The following KDM4B variants were observed in gnomAD, a reference collection of about 807,000 sequenced individuals.
KDM4B encodes lysine-specific demethylase 4B.
Under a neutral mutation model 125.2 loss-of-function variants are expected in KDM4B, and 32 were observed. That is an observed-to-expected ratio of 0.26 (90% CI 0.19 to 0.34). The LOEUF (loss-of-function observed/expected upper bound fraction) is 0.34, where lower values mean the gene tolerates loss of function less well. KDM4B is among the 10% of genes least tolerant of loss of function. KDM4B has a pLI of 1.00. For missense variants in KDM4B, 1,190 were observed against 1,577.7 expected (o/e 0.75, Z 4.16); for synonymous variants, 721 against 677.9 (o/e 1.06, Z -0.99).
intron 6 of KDM4B, among the ~76,000 whole-genome samples, chr19:5,048,940 G>T (rs964125955): frequency 1.3e-5 from 2 of 152,230 alleles, no homozygotes; most frequent in African/African-American, 4.8e-5. Flanking sequence ...GGACCAGCCA[G>T]TGAGTCAGAC....
chr19:5,077,329 G>A, intron 7 of KDM4B, 38 bp from the exon 8 acceptor site: 1 of 1,581,132 alleles, frequency 6.3e-7, no homozygotes, highest in Non-Finnish European at 8.7e-7. Flanking sequence ...CCGGCCGGCT[G>A]TGGCCCAGGA....
intron 18 of KDM4B, among the ~76,000 whole-genome samples, chr19:5,143,080 C>T (rs974127281): frequency 3.9e-5 from 6 of 152,112 alleles, no homozygotes; most frequent in Non-Finnish European, 2.9e-5. Flanking sequence ...AATCCCAGCA[C>T]TTTAGGAGGT....
Position 5,007,648 on chromosome 19 carries a change from C to T in KDM4B, c.-108-8609C>T, listed in dbSNP as rs571837768. Among the ~76,000 whole-genome samples the T allele has an allele frequency of 1.5e-3, 221 of 150,182 alleles. 2 individuals are homozygous for T. The highest frequency in any genetic ancestry group is 4.9e-3 in the African/African-American group (199 of 40,876). On this transcript the variant is annotated intron_variant, in intron 1 of 22. Coordinates refer to ENST00000159111, the MANE Select transcript of KDM4B (RefSeq NM_015015.3). ...GCAGCCTCCAACTCCCAGGCTCAAG[C>T]GATCCTCCCACCTCAGCCTCCCGAG...
chr19:5,031,402 G>A (rs1418909855), intron 2 of KDM4B, among the ~76,000 whole-genome samples: 2 of 152,248 alleles, frequency 1.3e-5, no homozygotes, highest in Admixed American at 6.5e-5. Context: ...CACGTGCCGT[G>A]CACGGTGCAC....
intron 2 of KDM4B, among the ~76,000 whole-genome samples, chr19:5,029,407 T>G (rs574104756): frequency 1.3e-4 from 20 of 152,350 alleles, no homozygotes; most frequent in African/African-American, 4.8e-4. Context: ...GTCACAGGAC[T>G]GCATTTCAGT....
intron 2 of KDM4B, among the ~76,000 whole-genome samples, chr19:5,024,837 A>C (rs146605330): frequency 0.012 from 1,895 of 152,238 alleles, 36 homozygotes; most frequent in African/African-American, 0.043. Context: ...AATCCCAGCT[A>C]CTCAGAAGGC....
chr19:5,034,587 G>A (rs2036558760), intron 3 of KDM4B, among the ~76,000 whole-genome samples: 1 of 152,226 alleles, frequency 6.6e-6, no homozygotes, highest in Admixed American at 6.5e-5. Flanking sequence ...GAAGCAGGAA[G>A]GGGCTGATTC....
chr19:4,980,465 C>T (rs2034599475), intron 1 of KDM4B, among the ~76,000 whole-genome samples: 1 of 147,514 alleles, frequency 6.8e-6, no homozygotes, highest in Non-Finnish European at 1.5e-5. Flanking sequence ...ACTCTGCCAC[C>T]CAGGCTGGAG....
At chr19:5,009,454 G>A (rs1224952058) in intron 1 of KDM4B, among the ~76,000 whole-genome samples, 1 of 152,150 alleles carries the variant, frequency 6.6e-6, no homozygotes, top group Non-Finnish European at 1.5e-5. Flanking sequence ...GTGTCCACTT[G>A]GTTTCTGATC....
chr19:5,014,611 A>G (rs196352), intron 1 of KDM4B, among the ~76,000 whole-genome samples: 49 of 152,140 alleles, frequency 3.2e-4, no homozygotes, highest in African/African-American at 1.0e-3. Context: ...GAGTCTCACT[A>G]TGTTGGCCAG....
rs142426028 is a variant in KDM4B at position 5,150,460 on chromosome 19, C to T, written c.3114+10C>T. ...GGTCCGCTCTCGGCTGGTGAGTGCGCGAGGCTGGCCTGGTGGCTCCGGGTG... is the reference window on the plus strand; with the variant it reads ...GGTCCGCTCTCGGCTGGTGAGTGCGTGAGGCTGGCCTGGTGGCTCCGGGTG... On this transcript the variant is annotated intron_variant, in intron 22 of 22. Coordinates refer to ENST00000159111, the MANE Select transcript of KDM4B (RefSeq NM_015015.3). 668 of 1,543,530 alleles carry T rather than the reference C, an allele frequency of 4.3e-4. 1 individual carries two copies. The African/African-American group carries it at 4.9e-3, about 11-fold the overall frequency.
intron 11 of KDM4B, among the ~76,000 whole-genome samples, chr19:5,127,536 C>T (rs1286684393): frequency 6.6e-6 from 1 of 152,186 alleles, no homozygotes; most frequent in African/African-American, 2.4e-5. Flanking sequence ...GAGGCTGCCG[C>T]CATTGTCATT....
chr19:5,098,869 T>C (rs2038878386), intron 9 of KDM4B, among the ~76,000 whole-genome samples: 1 of 152,136 alleles, frequency 6.6e-6, no homozygotes, highest in Non-Finnish European at 1.5e-5. Context: ...TCCAGAACCA[T>C]AAGAAATAAG....
At chr19:5,130,155 T>C (rs368920127) in intron 11 of KDM4B, among the ~76,000 whole-genome samples, 2 of 152,276 alleles carry the variant, frequency 1.3e-5, no homozygotes, top group East Asian at 1.9e-4. Flanking sequence ...TGTGAGGGCC[T>C]TGTGAGGACA....
chr19:5,134,190 T>A, intron 14 of KDM4B, 129 bp downstream of exon 14: 2 of 853,006 alleles, frequency 2.3e-6, no homozygotes, highest in Non-Finnish European at 3.6e-6. Context: ...CCCCGAGTTG[T>A]GAGGGCTTGT....
chr19:5,111,854 C>T lies in KDM4B; in HGVS notation c.1115+1036C>T, dbSNP rs776754763. 20 of 763,816 alleles carry T rather than the reference C, an allele frequency of 2.6e-5. No individual in the cohort carries two copies. In the East Asian group the frequency reaches 3.4e-4, roughly 13 times the overall value. The allele number at this position is 763,816 out of a possible 1,614,324, so 47.3% of individuals were successfully genotyped here. Reference sequence around the variant, plus strand: ...GCAGATGATAGACAGCGAAGAAATGCGCGTGGCTGTGTCCGTGAAGCTTTG... The same window carrying T: ...GCAGATGATAGACAGCGAAGAAATGTGCGTGGCTGTGTCCGTGAAGCTTTG... On this transcript the variant is annotated intron_variant, in intron 10 of 22. Transcript: ENST00000159111.
intron 9 of KDM4B, among the ~76,000 whole-genome samples, chr19:5,108,127 G>T (rs985458954): frequency 1.3e-5 from 2 of 152,252 alleles, no homozygotes; most frequent in Non-Finnish European, 2.9e-5. Flanking sequence ...TCCGTGGAGC[G>T]TGTCTGCCTG....
chr19:5,072,771 G>A (rs1235978292), intron 7 of KDM4B, among the ~76,000 whole-genome samples: 2 of 152,216 alleles, frequency 1.3e-5, no homozygotes, highest in African/African-American at 4.8e-5. Context: ...AGTCTAAAAT[G>A]CATGTTAAGG....
chr19:5,080,426 C>G (rs1461176845), intron 8 of KDM4B, among the ~76,000 whole-genome samples: 2 of 152,228 alleles, frequency 1.3e-5, no homozygotes, highest in Non-Finnish European at 2.9e-5. Context: ...GGGGCTTGAG[C>G]AGACGCGTTA....
Sources: allele counts gnomAD v4.1 joint callset (sites outside exome capture counted in the v4.1 genomes callset), GRCh38; gene constraint gnomAD v4.1.1; transcripts MANE v1.5; gene names NCBI Gene and HGNC (gene_info 2026-07-23, HGNC 2026-07-21).